CNTNAP2: variants seen among roughly 807,000 people sequenced by gnomAD.
CNTNAP2 encodes contactin-associated protein-like 2.
CNTNAP2 carries 98 observed loss-of-function variants against 155.2 expected under a neutral mutation model. The observed-to-expected ratio is 0.63, with a 90% CI of 0.54 to 0.75. CNTNAP2 has a LOEUF of 0.75. Among genes scored for constraint, CNTNAP2 ranks in the 30% least tolerant of loss-of-function variants. CNTNAP2 has a pLI of 0.00. For missense variants in CNTNAP2, 1,727 were observed against 1,688.1 expected (o/e 1.02, Z -0.40); for synonymous variants, 651 against 631.2 (o/e 1.03, Z -0.47).
chr7:148,101,389 GTGT>G (rs879258485), intron 15 of CNTNAP2, among the ~76,000 whole-genome samples: 147 of 146,594 alleles, frequency 1.0e-3, no homozygotes, highest in Non-Finnish European at 1.9e-3. Context: ...GTGTGTGTGT[GTGT>G]GGTGTTCTAC....
At chr7:147,151,185 G>A (rs1370649535) in intron 8 of CNTNAP2, among the ~76,000 whole-genome samples, 1 of 152,130 alleles carries the variant, frequency 6.6e-6, no homozygotes, top group Non-Finnish European at 1.5e-5. Flanking sequence ...GGCCGAGTTG[G>A]TACTTGAAAT....
At position 148,416,318 on chromosome 7, in the gene CNTNAP2, GTTTGATTTTTCATTGAAT is replaced by G; in HGVS notation, c.*704_*721del. The G allele has an allele frequency of 6.6e-6, 1 of 152,454 alleles. No homozygotes were observed. The highest frequency in any genetic ancestry group is 2.1e-4 in the South Asian group (1 of 4,824). The allele number at this position is 152,454 out of a possible 1,614,324, so 9.4% of individuals were successfully genotyped here. ...AGGCATTAAAGAACCAGGGAAGGTA[GTTTGATTTTTCATTGAAT>G]TCTACAAGCTAATATTGTTCCACGT... is the stretch of plus-strand genomic sequence containing the variant. On this transcript the variant is annotated 3_prime_UTR_variant, in exon 24 of 24. Transcript: ENST00000361727.
At chr7:148,212,480 T>C (rs1295132382) in intron 18 of CNTNAP2, among the ~76,000 whole-genome samples, 3 of 152,184 alleles carry the variant, frequency 2.0e-5, no homozygotes, top group Non-Finnish European at 2.9e-5. Flanking sequence ...TATTTTTCTA[T>C]CAAAAATGAT....
intron 12 of CNTNAP2, among the ~76,000 whole-genome samples, chr7:147,577,546 A>G (rs1396810182): frequency 6.6e-6 from 1 of 151,884 alleles, no homozygotes; most frequent in African/African-American, 2.4e-5. Context: ...CTTGTAGCCC[A>G]TGTAACGTTT....
At chr7:146,641,346 A>G (rs1043360444) in intron 1 of CNTNAP2, among the ~76,000 whole-genome samples, 1 of 152,212 alleles carries the variant, frequency 6.6e-6, no homozygotes, top group Non-Finnish European at 1.5e-5. Flanking sequence ...ATAAAAATAC[A>G]TAAATAAATT....
At chr7:146,724,561 C>CTTTTTTT (rs1000613503) in intron 1 of CNTNAP2, among the ~76,000 whole-genome samples, 3 of 65,622 alleles carry the variant, frequency 4.6e-5, no homozygotes, top group African/African-American at 1.4e-4. Context: ...TAAATCTAAA[C>CTTTTTTT]TTTTTTTTTT....
intron 21 of CNTNAP2, among the ~76,000 whole-genome samples, chr7:148,322,375 TA>T (rs759127752): frequency 3.9e-5 from 6 of 152,178 alleles, no homozygotes; most frequent in Non-Finnish European, 8.8e-5. Flanking sequence ...GAAACAAGTG[TA>T]ATAAGAAATA....
intron 22 of CNTNAP2, among the ~76,000 whole-genome samples, chr7:148,406,113 T>C (rs980571598): frequency 2.0e-5 from 3 of 151,672 alleles, no homozygotes; most frequent in Non-Finnish European, 4.4e-5. Context: ...GCGCCTGTAG[T>C]CCCAGCTACT....
intron 8 of CNTNAP2, among the ~76,000 whole-genome samples, chr7:147,209,846 C>T (rs1178532780): frequency 1.3e-5 from 2 of 151,808 alleles, no homozygotes; most frequent in Non-Finnish European, 2.9e-5. Flanking sequence ...GATGATCACA[C>T]ACTTTTTGCT....
intron 9 of CNTNAP2, among the ~76,000 whole-genome samples, chr7:147,327,426 T>A (rs546329664): frequency 3.9e-5 from 6 of 152,216 alleles, no homozygotes; most frequent in Non-Finnish European, 8.8e-5. Flanking sequence ...TGCATTTCAT[T>A]GGCATTTTCT....
intron 12 of CNTNAP2, among the ~76,000 whole-genome samples, chr7:147,593,411 G>A (rs536489065): frequency 6.6e-6 from 1 of 151,632 alleles, no homozygotes; most frequent in Non-Finnish European, 1.5e-5. Context: ...AAATGAATTG[G>A]ATGATAAGTG....
At chr7:146,747,180 A>C (rs1255695897) in intron 1 of CNTNAP2, among the ~76,000 whole-genome samples, 3 of 152,156 alleles carry the variant, frequency 2.0e-5, no homozygotes, top group African/African-American at 7.2e-5. Context: ...TTTTGTACTT[A>C]TAATAGATTT....
At chr7:146,772,642 C>T (rs1563224522) in intron 1 of CNTNAP2, among the ~76,000 whole-genome samples, 1 of 152,038 alleles carries the variant, frequency 6.6e-6, no homozygotes, top group African/African-American at 2.4e-5. Flanking sequence ...GCACTCCAGC[C>T]TGGGCAACAG....
At chr7:146,129,307 C>A (rs1376802558) in intron 1 of CNTNAP2, among the ~76,000 whole-genome samples, 1 of 152,064 alleles carries the variant, frequency 6.6e-6, no homozygotes, top group African/African-American at 2.4e-5. Flanking sequence ...AAATTGGCAT[C>A]AATAGGGCCT....
chr7:146,307,136 G>C (rs542017485), intron 1 of CNTNAP2, among the ~76,000 whole-genome samples: 1 of 152,198 alleles, frequency 6.6e-6, no homozygotes, highest in South Asian at 2.1e-4. Context: ...AGCAGTCTCA[G>C]GATACAAAAT....
intron 1 of CNTNAP2, among the ~76,000 whole-genome samples, chr7:146,461,772 A>G (rs1796640980): frequency 6.6e-6 from 1 of 152,200 alleles, no homozygotes; most frequent in African/African-American, 2.4e-5. Flanking sequence ...CAACTTAAAT[A>G]CCCACACTAG....
intron 1 of CNTNAP2, among the ~76,000 whole-genome samples, chr7:146,701,369 T>C (rs1800875339): frequency 6.6e-6 from 1 of 151,972 alleles, no homozygotes. Context: ...GTAGCAGAGG[T>C]CCAGCAGAAT....
intron 1 of CNTNAP2, among the ~76,000 whole-genome samples, chr7:146,418,555 G>C (rs1795968517): frequency 6.6e-6 from 1 of 151,768 alleles, no homozygotes; most frequent in Admixed American, 6.6e-5. Context: ...CAACTTTTTG[G>C]CTGGTTAATT....
At chr7:147,786,950 C>G (rs1015264999) in intron 13 of CNTNAP2, among the ~76,000 whole-genome samples, 1 of 151,588 alleles carries the variant, frequency 6.6e-6, no homozygotes, top group Non-Finnish European at 1.5e-5. Flanking sequence ...GGCTGGACAA[C>G]AGGCCACTAT....
Sources: gnomAD v4.1 joint callset for allele counts (sites outside exome capture counted in the v4.1 genomes callset) on GRCh38, gnomAD v4.1.1 for gene constraint, MANE v1.5 for transcripts, NCBI Gene and HGNC (gene_info 2026-07-23, HGNC 2026-07-21) for gene names.